The following DGKH variants were observed in gnomAD, a reference collection of about 807,000 sequenced individuals.
The protein encoded by DGKH is diacylglycerol kinase eta.
DGKH carries 90 observed loss-of-function variants against 159.3 expected under a neutral mutation model. The observed-to-expected ratio is 0.57, with a 90% CI of 0.48 to 0.67. The LOEUF (loss-of-function observed/expected upper bound fraction) is 0.67. DGKH is among the 30% of genes least tolerant of loss of function. The pLI, the probability that DGKH is intolerant of heterozygous loss-of-function variation, is 0.00. For missense variants in DGKH, 1,181 were observed against 1,506.1 expected (o/e 0.78, Z 3.57); for synonymous variants, 536 against 553.8 (o/e 0.97, Z 0.45).
intron 1 of DGKH, among the ~76,000 whole-genome samples, chr13:42,073,219 A>C (rs1238210583): frequency 6.6e-6 from 1 of 152,200 alleles, no homozygotes; most frequent in Admixed American, 6.5e-5. Context: ...ATATACCCTC[A>C]AGATTTTAGA....
At chr13:42,198,720 G>A (rs2138149201) in intron 18 of DGKH, 125 bp downstream of exon 18, 2 of 898,146 alleles carry the variant, frequency 2.2e-6, no homozygotes, top group Middle Eastern at 2.8e-4. Context: ...AGGATGATCA[G>A]AAAATTACAA....
chr13:42,066,711 C>G (rs1245971359), intron 1 of DGKH: 1 of 152,196 alleles, frequency 6.6e-6, no homozygotes, highest in East Asian at 1.9e-4. Flanking sequence ...AATAAACAAG[C>G]ACCCTTTCAT....
chr13:42,216,503 G>A (rs1210553703), intron 26 of DGKH: 1 of 152,184 alleles, frequency 6.6e-6, no homozygotes, highest in African/African-American at 2.4e-5. Context: ...GATACTAAGA[G>A]TCATAGTATC....
chr13:42,060,514 A>G (rs2137665038), intron 1 of DGKH, among the ~76,000 whole-genome samples: 1 of 152,146 alleles, frequency 6.6e-6, no homozygotes, highest in South Asian at 2.1e-4. Flanking sequence ...TCCCGGCCAA[A>G]TTTTGCTCCA....
intron 1 of DGKH, among the ~76,000 whole-genome samples, chr13:42,075,514 CT>C (rs1954078552): frequency 1.3e-5 from 2 of 152,118 alleles, no homozygotes; most frequent in African/African-American, 2.4e-5. Context: ...ATAACTTTTT[CT>C]TTCCTTAAAT....
rs1555276050 is a variant in DGKH at position 42,207,062 on chromosome 13, C to CTTTCTTTCTTTCTTTCTTTCT, written c.2601+918_2601+919insTCTTTCTTTCTTTCTTTCTTT. Among the ~76,000 whole-genome samples the CTTTCTTTCTTTCTTTCTTTCT allele has an allele frequency of 4.7e-4, 31 of 65,378 alleles. 9 individuals are homozygous for CTTTCTTTCTTTCTTTCTTTCT. Among genetic ancestry groups the CTTTCTTTCTTTCTTTCTTTCT allele is most frequent in the African/African-American group, 1.1e-3 (16 of 13,974 alleles). 42.9% of individuals were successfully genotyped at this position (65,378 alleles called of 152,430 possible). ...CTTTCCTTCTTTCCTTCTTTCCTTC[C>CTTTCTTTCTTTCTTTCTTTCT]TTCTTTCTTTCTTTCTTTCTTTCTT... On this transcript the variant is annotated intron_variant, in intron 21 of 29. Transcript: ENST00000337343.
chr13:42,189,146 T>C lies in DGKH; in HGVS notation c.1749T>C (p.Ala583=), dbSNP rs756661743. ...GCCCTCTCATTGTGGAAGAAGATGC[T>C]GTGGAATCGTCCAGTGAAGAGTCCC... ...GLSPLIVEED[A]VESSSEESLG... is the part of the protein sequence containing the mutation. The change falls in exon 15 of 30, where the codon GCT becomes GCC. Residue 583 remains alanine, a synonymous_variant. Coordinates refer to ENST00000337343, the MANE Select transcript of DGKH (RefSeq NM_178009.5). 1.2e-6 allele frequency: 2 copies of C among 1,614,234 alleles called. No homozygotes were observed. The highest frequency in any genetic ancestry group is 2.2e-5 in the South Asian group (2 of 91,090).
At chr13:42,193,829 G>T (rs745434371) in intron 16 of DGKH, among the ~76,000 whole-genome samples, 4 of 152,114 alleles carry the variant, frequency 2.6e-5, no homozygotes, top group Non-Finnish European at 5.9e-5. Flanking sequence ...GGAGAGTGAA[G>T]ATAATTAAGT....
At chr13:42,204,871 T>C (rs530759219) in intron 20 of DGKH, among the ~76,000 whole-genome samples, 1 of 152,272 alleles carries the variant, frequency 6.6e-6, no homozygotes, top group South Asian at 2.1e-4. Flanking sequence ...CAAACCATCC[T>C]AGACCAGTAG....
At chr13:42,076,616 G>T (rs772320001) in intron 1 of DGKH, among the ~76,000 whole-genome samples, 1 of 152,030 alleles carries the variant, frequency 6.6e-6, no homozygotes, top group Non-Finnish European at 1.5e-5. Context: ...CTGCAGTTGG[G>T]TCTATTTTTA....
chr13:42,055,614 C>T (rs987015992), intron 1 of DGKH, among the ~76,000 whole-genome samples: 1 of 152,160 alleles, frequency 6.6e-6, no homozygotes, highest in Non-Finnish European at 1.5e-5. Context: ...GTATAAAGGA[C>T]GTGGGGCCCC....
chr13:42,087,262 T>G (rs1315434832), intron 1 of DGKH, among the ~76,000 whole-genome samples: 1 of 152,178 alleles, frequency 6.6e-6, no homozygotes, highest in Non-Finnish European at 1.5e-5. Flanking sequence ...GCTCTGGACA[T>G]GCCATAACAG....
Position 42,194,882 on chromosome 13 carries a change from C to A in DGKH, c.2036-3C>A. 1.2e-6 allele frequency: 2 copies of A among 1,610,560 alleles called. No homozygotes were observed. Among genetic ancestry groups the A allele is most frequent in the Non-Finnish European group, 1.7e-6 (2 of 1,178,984 alleles). On this transcript the variant is annotated splice_polypyrimidine_tract_variant and splice_region_variant and intron_variant, in intron 16 of 29. Transcript: ENST00000337343. Reference sequence around the variant, plus strand: ...CTTTTTAATCTGGACTTTTTGCCAACAGTTAAAACTGCACCTCGGTCTCCA... The same window carrying A: ...CTTTTTAATCTGGACTTTTTGCCAAAAGTTAAAACTGCACCTCGGTCTCCA...
chr13:42,241,137 A>T lies in DGKH; in HGVS notation c.*11949A>T, dbSNP rs1192134921. On this transcript the variant is annotated 3_prime_UTR_variant, in exon 30 of 30. Transcript: ENST00000337343. The stretch of plus-strand genomic sequence containing the variant: ...AAAAAAAAGAAAAAAAATCAAAATA[A>T]TTGTAATTAACTGAAATGCCCTGTT... 3 of 152,230 alleles carry T rather than the reference A, an allele frequency of 2.0e-5. No individual in the cohort carries two copies. Among genetic ancestry groups the T allele is most frequent in the East Asian group, 1.9e-4 (1 of 5,174 alleles). 9.4% of individuals were successfully genotyped at this position (152,230 alleles called of 1,614,324 possible).
At chr13:42,142,679 A>G (rs1440944543) in intron 3 of DGKH, among the ~76,000 whole-genome samples, 2 of 152,060 alleles carry the variant, frequency 1.3e-5, no homozygotes, top group African/African-American at 2.4e-5. Flanking sequence ...GAGTTCACTC[A>G]TGATTTGGCT....
intron 1 of DGKH, among the ~76,000 whole-genome samples, chr13:42,054,290 TA>T (rs1473601772): frequency 6.6e-6 from 1 of 152,214 alleles, no homozygotes; most frequent in Non-Finnish European, 1.5e-5. Flanking sequence ...ATGGGAATCA[TA>T]ATGATCCAAA....
At chr13:42,184,055 G>A (rs1171899852) in intron 13 of DGKH, among the ~76,000 whole-genome samples, 2 of 152,076 alleles carry the variant, frequency 1.3e-5, no homozygotes, top group Non-Finnish European at 2.9e-5. Context: ...TCTACTTTAG[G>A]GATAATTTAG....
chr13:42,075,570 A>G (rs9532988), intron 1 of DGKH, among the ~76,000 whole-genome samples: 37,565 of 152,068 alleles, frequency 0.25, 5,192 homozygotes, highest in Admixed American at 0.35. Flanking sequence ...AGATTTGTCA[A>G]CTCATGCCTG....
intron 1 of DGKH, among the ~76,000 whole-genome samples, chr13:42,123,239 G>A (rs1303586710): frequency 6.6e-6 from 1 of 151,946 alleles, no homozygotes; most frequent in African/African-American, 2.4e-5. Context: ...TTTATCTACA[G>A]GGTAATTGCT....
Sources: allele counts gnomAD v4.1 joint callset (sites outside exome capture counted in the v4.1 genomes callset), GRCh38; gene constraint gnomAD v4.1.1; transcripts MANE v1.5; gene names NCBI Gene and HGNC (gene_info 2026-07-23, HGNC 2026-07-21).